Variants in PLD5 observed in about 807,000 individuals in gnomAD.
PLD5 encodes inactive phospholipase D5.
PLD5 carries 36 observed loss-of-function variants against 61.1 expected under a neutral mutation model. The observed-to-expected ratio is 0.59, with a 90% CI of 0.45 to 0.78. The LOEUF (loss-of-function observed/expected upper bound fraction) is 0.78, where lower values mean the gene tolerates loss of function less well. PLD5 is among the 30% of genes least tolerant of loss of function. The pLI, the probability that PLD5 is intolerant of heterozygous loss-of-function variation, is 0.00. For synonymous variants in PLD5, 243 were observed against 242.8 expected (o/e 1.00, Z -0.01); for missense variants, 515 against 644.4 (o/e 0.80, Z 2.17).
intron 1 of PLD5, among the ~76,000 whole-genome samples, chr1:242,442,754 T>C (rs1295730571): frequency 2.0e-5 from 3 of 152,224 alleles, no homozygotes; most frequent in Non-Finnish European, 2.9e-5. Flanking sequence ...GAAACACTTA[T>C]AATCCTAAAC....
intron 1 of PLD5, among the ~76,000 whole-genome samples, chr1:242,419,390 T>G (rs72765013): frequency 0.023 from 1,446 of 63,524 alleles, 39 homozygotes; most frequent in African/African-American, 0.059. Flanking sequence ...ATTTTTGTTT[T>G]TTTTTTTTTT....
Position 242,264,735 on chromosome 1 carries a change from CAA to C in PLD5, c.607+600_607+601del, listed in dbSNP as rs367581641. Reference sequence around the variant, plus strand: ...AATAAATTCCAGGGAACAATTTTTACAAAACAGTAAAAACTATTTGGATGTGA... The same window carrying C: ...AATAAATTCCAGGGAACAATTTTTACAACAGTAAAAACTATTTGGATGTGA... On this transcript the variant is annotated intron_variant, in intron 4 of 9. Transcript: ENST00000536534. 7.0e-3 allele frequency among the ~76,000 whole-genome samples: 1,068 copies of C among 152,100 alleles called. 13 individuals carry two copies. Among genetic ancestry groups the C allele is most frequent in the African/African-American group, 0.025 (1,038 of 41,466 alleles).
intron 4 of PLD5, among the ~76,000 whole-genome samples, chr1:242,233,154 A>G (rs1439613691): frequency 2.0e-5 from 3 of 149,848 alleles, no homozygotes; most frequent in Non-Finnish European, 4.5e-5. Flanking sequence ...ATTCTGACTC[A>G]AATGAATGAA....
At chr1:242,387,619 TATTTTATCTATTTTATATAAA>T (rs869176636) in intron 1 of PLD5, among the ~76,000 whole-genome samples, 7,959 of 130,568 alleles carry the variant, frequency 0.061, 1,371 homozygotes, top group Middle Eastern at 0.099. Context: ...ATATATTTTG[TATTTTATCTATTTTATATAAA>T]ATTTTATCTA....
chr1:242,489,180 C>G (rs1234226447), intron 1 of PLD5, among the ~76,000 whole-genome samples: 1 of 151,934 alleles, frequency 6.6e-6, no homozygotes, highest in African/African-American at 2.4e-5. Flanking sequence ...GTGACAGAAA[C>G]CAGATCAGTG....
intron 1 of PLD5, among the ~76,000 whole-genome samples, chr1:242,499,793 C>T (rs1668493594): frequency 6.6e-6 from 1 of 152,088 alleles, no homozygotes; most frequent in African/African-American, 2.4e-5. Context: ...TTGGCAGGGC[C>T]CAGGAGGGAT....
At chr1:242,206,895 T>C (rs1669349616) in intron 5 of PLD5, among the ~76,000 whole-genome samples, 2 of 152,114 alleles carry the variant, frequency 1.3e-5, no homozygotes, top group Non-Finnish European at 2.9e-5. Flanking sequence ...GAGAGATTTA[T>C]GAGATTTATC....
intron 5 of PLD5, among the ~76,000 whole-genome samples, chr1:242,188,015 G>T (rs922558415): frequency 6.6e-6 from 1 of 152,092 alleles, no homozygotes; most frequent in Non-Finnish European, 1.5e-5. Context: ...TGTGTGTGTG[G>T]AGTTCATGAT....
intron 5 of PLD5, among the ~76,000 whole-genome samples, chr1:242,146,636 T>A (rs2148805698): frequency 6.6e-6 from 1 of 152,316 alleles, no homozygotes; most frequent in South Asian, 2.1e-4. Flanking sequence ...TTTCTAGAGT[T>A]ATTTTTATGA....
intron 1 of PLD5, among the ~76,000 whole-genome samples, chr1:242,424,067 G>A (rs1022897423): frequency 6.6e-6 from 1 of 152,196 alleles, no homozygotes; most frequent in African/African-American, 2.4e-5. Flanking sequence ...CTGAGCACCC[G>A]TGGCTGGACT....
intron 5 of PLD5, among the ~76,000 whole-genome samples, chr1:242,140,948 C>T (rs1043749642): frequency 5.3e-5 from 8 of 152,144 alleles, no homozygotes; most frequent in African/African-American, 1.9e-4. Context: ...ATTTAATGAT[C>T]CACCAGAATT....
intron 5 of PLD5, among the ~76,000 whole-genome samples, chr1:242,162,253 T>C (rs922486288): frequency 6.6e-6 from 1 of 152,154 alleles, no homozygotes; most frequent in Non-Finnish European, 1.5e-5. Flanking sequence ...TTTTATTCAA[T>C]AGGAAGGAAC....
At position 242,220,086 on chromosome 1, in the gene PLD5, C is replaced by T. The variant is rs140243407; in HGVS notation, c.637G>A (p.Ala213Thr). Residue 213 changes from alanine (A) to threonine (T), a missense_variant, in exon 5 of 10, where the codon GCT becomes ACT. Around this residue, in one of 2 missense-constraint regions of PLD5, gnomAD observed 450 missense variants for 598.1 expected, o/e 0.75. Coordinates refer to ENST00000536534, the MANE Select transcript of PLD5 (RefSeq NM_001372062.1). The stretch of plus-strand genomic sequence containing the variant: ...GACTGCAGCCGGCCCTTGTTGTAAG[C>T]GGTCATGTTCATGTACGTCACCTCG... ...GAEVTYMNMT[A>T]YNKGRLQSSF... The T allele has an allele frequency of 4.4e-4, 707 of 1,614,120 alleles. No individual in the cohort carries two copies. Among genetic ancestry groups the T allele is most frequent in the Non-Finnish European group, 5.4e-4 (634 of 1,180,000 alleles).
intron 1 of PLD5, among the ~76,000 whole-genome samples, chr1:242,479,370 T>C (rs562610440): frequency 7.9e-5 from 12 of 152,182 alleles, no homozygotes; most frequent in Non-Finnish European, 1.8e-4. Context: ...AAAAATGAAT[T>C]GTATTTCCAT....
At chr1:242,138,123 A>T (rs1321241435) in intron 5 of PLD5, among the ~76,000 whole-genome samples, 1 of 152,232 alleles carries the variant, frequency 6.6e-6, no homozygotes, top group Non-Finnish European at 1.5e-5. Flanking sequence ...TAAAAAGGTG[A>T]CGACTGCTTA....
At chr1:242,431,220 T>C (rs987009099) in intron 1 of PLD5, among the ~76,000 whole-genome samples, 14 of 152,216 alleles carry the variant, frequency 9.2e-5, no homozygotes, top group Non-Finnish European at 1.9e-4. Context: ...TGAACAATAA[T>C]TCTCCATTTC....
Position 242,333,555 on chromosome 1 carries a change from T to C in PLD5, c.326+14551A>G, listed in dbSNP as rs529309662. Among the ~76,000 whole-genome samples, 4 of 152,224 alleles carry C rather than the reference T, an allele frequency of 2.6e-5. No homozygotes were observed. In the East Asian group the frequency reaches 7.7e-4, roughly 29 times the overall value. On this transcript the variant is annotated intron_variant, in intron 2 of 9. Coordinates refer to ENST00000536534, the MANE Select transcript of PLD5 (RefSeq NM_001372062.1). Reference sequence around the variant, plus strand: ...AGGGACTGGTTACGGGAAAGTTTCTTTTTCTAAAAACAACATTTTAAAAGG... The same window carrying C: ...AGGGACTGGTTACGGGAAAGTTTCTCTTTCTAAAAACAACATTTTAAAAGG...
chr1:242,179,109 G>A (rs1397632652), intron 5 of PLD5, among the ~76,000 whole-genome samples: 1 of 152,224 alleles, frequency 6.6e-6, no homozygotes, highest in Non-Finnish European at 1.5e-5. Context: ...GCAGAGCAAT[G>A]TGGGAGGTGA....
At chr1:242,189,698 G>T (rs140324942) in intron 5 of PLD5, among the ~76,000 whole-genome samples, 24 of 152,278 alleles carry the variant, frequency 1.6e-4, no homozygotes, top group African/African-American at 5.3e-4. Context: ...GATAAAATTA[G>T]GTAATATGGC....
Sources: allele counts gnomAD v4.1 joint callset (sites outside exome capture counted in the v4.1 genomes callset), GRCh38; gene constraint gnomAD v4.1.1; regional missense constraint gnomAD v4.1.1; transcripts MANE v1.5; gene names NCBI Gene and HGNC (gene_info 2026-07-23, HGNC 2026-07-21).